ARHGEF11: variants seen among roughly 807,000 people sequenced by gnomAD.
The protein encoded by ARHGEF11 is Rho guanine exchange factor (GEF) 11.
In ARHGEF11, 55 loss-of-function variants were observed where a neutral mutation model predicts 193.7. The observed-to-expected ratio is 0.28, with a 90% CI of 0.23 to 0.36. The LOEUF (loss-of-function observed/expected upper bound fraction) is 0.36, where lower values mean the gene tolerates loss of function less well. Among genes scored for constraint, ARHGEF11 ranks in the 10% least tolerant of loss-of-function variants. ARHGEF11 has a pLI of 1.00. For missense variants in ARHGEF11, 1,723 were observed against 2,005.6 expected (o/e 0.86, Z 2.69); for synonymous variants, 693 against 768.0 (o/e 0.90, Z 1.62).
intron 1 of ARHGEF11, among the ~76,000 whole-genome samples, chr1:157,022,961 C>T (rs1094561): frequency 0.46 from 69,435 of 151,970 alleles, 16,561 homozygotes; most frequent in East Asian, 0.8. Context: ...AGCAAAAGTA[C>T]GAAGTTGGAC....
intron 1 of ARHGEF11, among the ~76,000 whole-genome samples, chr1:157,035,151 T>C (rs1030412263): frequency 1.1e-4 from 16 of 152,164 alleles, no homozygotes; most frequent in Admixed American, 1.0e-3. Flanking sequence ...TGTGGGTTTC[T>C]AGCAAAGGAT....
chr1:156,947,514 G>C, intron 25 of ARHGEF11, 64 bp from the exon 26 acceptor site: 1 of 1,492,204 alleles, frequency 6.7e-7, no homozygotes. Context: ...CAAGTATCTA[G>C]AGTCCCTGAC....
chr1:157,007,610 G>C (rs2102745037), intron 1 of ARHGEF11, among the ~76,000 whole-genome samples: 1 of 152,266 alleles, frequency 6.6e-6, no homozygotes, highest in Non-Finnish European at 1.5e-5. Flanking sequence ...GTCAGCATCT[G>C]GGAGGAAGAA....
chr1:156,949,516 T>C (rs1382332436), intron 22 of ARHGEF11, among the ~76,000 whole-genome samples: 3 of 152,344 alleles, frequency 2.0e-5, no homozygotes, highest in African/African-American at 7.2e-5. Context: ...CCATTCATTG[T>C]GCCCAAACTG....
chr1:156,986,839 T>C (rs73010539), intron 1 of ARHGEF11, among the ~76,000 whole-genome samples: 5,161 of 152,236 alleles, frequency 0.034, 290 homozygotes, highest in African/African-American at 0.12. Context: ...GAAAAGACAG[T>C]AGAGGAACGG....
intron 1 of ARHGEF11, among the ~76,000 whole-genome samples, chr1:157,009,564 T>A (rs1385312573): frequency 6.6e-6 from 1 of 152,200 alleles, no homozygotes; most frequent in East Asian, 1.9e-4. Context: ...AGAGCTATCC[T>A]AAGGTTGGTG....
At chr1:156,938,593 G>C in intron 37 of ARHGEF11, 80 bp from the exon 38 acceptor site, 1 of 1,385,734 alleles carries the variant, frequency 7.2e-7, no homozygotes, top group Middle Eastern at 1.8e-4. Context: ...AGGAAGGAGA[G>C]AGGGCAGGAG....
intron 1 of ARHGEF11, among the ~76,000 whole-genome samples, chr1:156,993,772 C>A (rs1455211639): frequency 6.6e-6 from 1 of 152,210 alleles, no homozygotes. Context: ...TAGACCTGCA[C>A]ATCCCTACAG....
At chr1:156,962,848 C>T (rs1200882236) in intron 13 of ARHGEF11, among the ~76,000 whole-genome samples, 1 of 135,466 alleles carries the variant, frequency 7.4e-6, no homozygotes, top group Non-Finnish European at 1.5e-5. Flanking sequence ...CACTGCACTC[C>T]AGCCTCGGCG....
Position 156,988,451 on chromosome 1 carries a change from TCCTA to T in ARHGEF11, c.33-2282_33-2279del, listed in dbSNP as rs531589803. Among the ~76,000 whole-genome samples, 13 of 152,272 alleles carry T rather than the reference TCCTA, an allele frequency of 8.5e-5. No individual in the cohort carries two copies. In the East Asian group the frequency reaches 2.5e-3, roughly 29 times the overall value. Reference sequence around the variant, plus strand: ...ACGCTGGGCTTGAACTCCTCCTCCTTCCTACCTAAAGAGAAAGCCCATCTTATCT... The same window carrying T: ...ACGCTGGGCTTGAACTCCTCCTCCTTCCTAAAGAGAAAGCCCATCTTATCT... On this transcript the variant is annotated intron_variant, in intron 1 of 40. Transcript: ENST00000368194.
chr1:156,944,253 G>A (rs1571170671), intron 31 of ARHGEF11, 105 bp downstream of exon 31: 1 of 1,456,274 alleles, frequency 6.9e-7, no homozygotes, highest in East Asian at 2.3e-5. Context: ...CCCATGTCCT[G>A]AGCTATCACC....
chr1:157,002,242 G>T (rs562906393), intron 1 of ARHGEF11, among the ~76,000 whole-genome samples: 220 of 152,262 alleles, frequency 1.4e-3, no homozygotes, highest in African/African-American at 5.0e-3. Flanking sequence ...GAAACTGCTA[G>T]TCCACAAAAC....
intron 26 of ARHGEF11, 61 bp downstream of exon 26, chr1:156,947,243 A>G: frequency 6.4e-7 from 1 of 1,557,698 alleles, no homozygotes; most frequent in Non-Finnish European, 8.7e-7. Flanking sequence ...AGTGGGGCCA[A>G]AGTGGAACAG....
intron 34 of ARHGEF11, 96 bp from the exon 35 acceptor site, chr1:156,941,529 G>A: frequency 7.3e-7 from 1 of 1,370,108 alleles, no homozygotes; most frequent in South Asian, 1.2e-5. Context: ...GAGAAGGACG[G>A]TGTGGGCCTC....
chr1:156,998,108 C>T (rs1159715671), intron 1 of ARHGEF11, among the ~76,000 whole-genome samples: 1 of 152,196 alleles, frequency 6.6e-6, no homozygotes, highest in Non-Finnish European at 1.5e-5. Context: ...ACATTGTCGA[C>T]CTCTCTCCTT....
chr1:156,956,066 A>G (rs1445944674), intron 19 of ARHGEF11, among the ~76,000 whole-genome samples: 1 of 152,184 alleles, frequency 6.6e-6, no homozygotes, highest in Non-Finnish European at 1.5e-5. Context: ...GACCTACCTC[A>G]GCACAGAGAA....
intron 1 of ARHGEF11, among the ~76,000 whole-genome samples, chr1:156,998,593 G>A (rs528398425): frequency 1.3e-5 from 2 of 152,278 alleles, no homozygotes; most frequent in South Asian, 4.1e-4. Flanking sequence ...TACAATGGCT[G>A]GCACTCTGCA....
At chr1:156,946,282 C>A (rs1658097918) in intron 28 of ARHGEF11, 120 bp from the exon 29 acceptor site, 3 of 765,952 alleles carry the variant, frequency 3.9e-6, no homozygotes, top group African/African-American at 1.7e-5. Context: ...ATGGATCACT[C>A]AGAAATGGCA....
At chr1:156,969,439 C>A in intron 9 of ARHGEF11, 81 bp from the exon 10 acceptor site, 1 of 1,374,266 alleles carries the variant, frequency 7.3e-7, no homozygotes, top group Non-Finnish European at 1.0e-6. Flanking sequence ...CACCTGTGTG[C>A]AGGGCAGGAA....
Sources: gnomAD v4.1 joint callset for allele counts (sites outside exome capture counted in the v4.1 genomes callset) on GRCh38, gnomAD v4.1.1 for gene constraint, MANE v1.5 for transcripts, NCBI Gene and HGNC (gene_info 2026-07-23, HGNC 2026-07-21) for gene names.